Variants in DNM3 observed in about 807,000 individuals in gnomAD.
DNM3 encodes dynamin-3.
A neutral mutation model predicts 101.6 loss-of-function variants in DNM3; 47 were observed. The observed-to-expected ratio is 0.46, with a 90% CI of 0.37 to 0.59. The LOEUF (loss-of-function observed/expected upper bound fraction) is 0.59, where lower values mean the gene tolerates loss of function less well. Among genes scored for constraint, DNM3 ranks in the 20% least tolerant of loss-of-function variants. DNM3 has a pLI of 0.00. For missense variants in DNM3, 849 were observed against 1,085.7 expected, an observed-to-expected ratio of 0.78 and a Z score of 3.06; for synonymous variants, 385 against 387.9, an observed-to-expected ratio of 0.99 and a Z score of 0.09.
intron 14 of DNM3, among the ~76,000 whole-genome samples, chr1:172,176,578 G>A (rs2148369364): frequency 6.6e-6 from 1 of 151,936 alleles, no homozygotes; most frequent in South Asian, 2.1e-4. Flanking sequence ...CCAGTCAGGA[G>A]CTTGACTGCA....
chr1:172,230,775 C>CT (rs1210200882), intron 14 of DNM3, among the ~76,000 whole-genome samples: 1 of 152,124 alleles, frequency 6.6e-6, no homozygotes, highest in Non-Finnish European at 1.5e-5. Flanking sequence ...GGTTACTTTT[C>CT]TAGCCATATC....
chr1:172,407,768 C>A lies in DNM3; in HGVS notation c.2523-4C>A. On this transcript the variant is annotated splice_polypyrimidine_tract_variant and splice_region_variant and intron_variant, in intron 20 of 20. Transcript: ENST00000627582. Reference sequence around the variant, plus strand: ...TCTTTACCTTTCTCTTTTTCTCTTTCTAGCCGGAGACCACCCCCATCACCA... The same window carrying A: ...TCTTTACCTTTCTCTTTTTCTCTTTATAGCCGGAGACCACCCCCATCACCA... The A allele has an allele frequency of 6.2e-7, 1 of 1,612,830 alleles. No individual in the cohort carries two copies. Among genetic ancestry groups the A allele is most frequent in the Non-Finnish European group, 8.5e-7 (1 of 1,179,088 alleles).
At chr1:171,896,566 T>C (rs1370905011) in intron 1 of DNM3, among the ~76,000 whole-genome samples, 1 of 152,216 alleles carries the variant, frequency 6.6e-6, no homozygotes, top group African/African-American at 2.4e-5. Context: ...GATGGGGTTT[T>C]CTAAATATAC....
At chr1:172,343,825 T>C (rs1053079759) in intron 17 of DNM3, among the ~76,000 whole-genome samples, 1 of 152,076 alleles carries the variant, frequency 6.6e-6, no homozygotes, top group African/African-American at 2.4e-5. Context: ...TGCCAAAAGG[T>C]TTATTATGTG....
chr1:172,066,029 GCA>G lies in DNM3; in HGVS notation c.1336-2787_1336-2786del, dbSNP rs570177251. 7.2e-5 allele frequency among the ~76,000 whole-genome samples: 11 copies of G among 152,166 alleles called. No homozygotes were observed. The South Asian group carries it at 2.3e-3, about 31-fold the overall frequency. ...GTTGTGCATGCTATAAAGGTAATGT[GCA>G]CAGTGACCTCAGGTGACCATACAGA... On this transcript the variant is annotated intron_variant, in intron 10 of 20. Coordinates refer to ENST00000627582, the MANE Select transcript of DNM3 (RefSeq NM_015569.5).
In DNM3 at chr1:172,089,288, T is replaced by C. The variant is rs866771601; in HGVS notation, c.1494-3536T>C. 4.6e-5 allele frequency among the ~76,000 whole-genome samples: 7 copies of C among 152,350 alleles called. 1 individual carries two copies. Among genetic ancestry groups the C allele is most frequent in the Middle Eastern group, 6.8e-3 (2 of 294 alleles). On this transcript the variant is annotated intron_variant, in intron 12 of 20. Transcript: ENST00000627582. ...AAGAACTATACCTTATTCATATTTT[T>C]ATATGCTACGGAGTTCGTGCCCTAT... is the stretch of plus-strand genomic sequence containing the variant.
At chr1:171,933,437 A>T (rs1243154880) in intron 2 of DNM3, among the ~76,000 whole-genome samples, 1 of 152,236 alleles carries the variant, frequency 6.6e-6, no homozygotes, top group African/African-American at 2.4e-5. Context: ...TGGGGCTTAC[A>T]TTCTAGGTGG....
At chr1:172,387,530 G>A (rs1332491789) in intron 19 of DNM3, among the ~76,000 whole-genome samples, 171 bp downstream of exon 19, 1 of 151,958 alleles carries the variant, frequency 6.6e-6, no homozygotes, top group African/African-American at 2.4e-5. Context: ...GTGGTGGCGG[G>A]TGCCTGTAGT....
At chr1:172,329,082 G>A (rs115496848) in intron 17 of DNM3, among the ~76,000 whole-genome samples, 1,732 of 151,948 alleles carry the variant, frequency 0.011, 21 homozygotes, top group African/African-American at 0.017. Context: ...TGTTTTTAAT[G>A]TTAATGTGGT....
intron 6 of DNM3, among the ~76,000 whole-genome samples, chr1:172,037,473 T>A (rs1341366149): frequency 6.6e-6 from 1 of 152,236 alleles, no homozygotes. Flanking sequence ...CTAGGAAGTT[T>A]ATATTCTTTT....
At chr1:172,095,288 C>T (rs976534666) in intron 13 of DNM3, among the ~76,000 whole-genome samples, 16 of 152,100 alleles carry the variant, frequency 1.1e-4, no homozygotes, top group African/African-American at 3.9e-4. Context: ...AATAGTTACA[C>T]CAAGTAAACT....
chr1:172,339,105 A>G (rs1374355800), intron 17 of DNM3: 6 of 468,150 alleles, frequency 1.3e-5, no homozygotes, highest in Non-Finnish European at 2.1e-5. Flanking sequence ...TCACTGTGAA[A>G]TATTTGGTCG....
intron 14 of DNM3, among the ~76,000 whole-genome samples, chr1:172,136,333 A>C (rs2057226379): frequency 6.6e-6 from 1 of 152,186 alleles, no homozygotes; most frequent in Admixed American, 6.5e-5. Flanking sequence ...TGAGATCAAG[A>C]AGTTATAGAA....
chr1:172,416,702 C>T (rs190315209), downstream of DNM3, among the ~76,000 whole-genome samples: 4 of 152,216 alleles, frequency 2.6e-5, no homozygotes, highest in East Asian at 7.7e-4. Flanking sequence ...TTCTAAAGCC[C>T]CTTCAGAACT....
At chr1:172,104,973 A>G (rs2054907945) in intron 13 of DNM3, among the ~76,000 whole-genome samples, 1 of 152,194 alleles carries the variant, frequency 6.6e-6, no homozygotes, top group Admixed American at 6.5e-5. Flanking sequence ...TCATTTGCAA[A>G]AGGAGAATGA....
At chr1:172,276,757 C>A (rs6677550) in intron 15 of DNM3, among the ~76,000 whole-genome samples, 142,750 of 152,026 alleles carry the variant, frequency 0.94, 67,096 homozygotes, top group Non-Finnish European at 0.96. Flanking sequence ...CTTCCATATT[C>A]GATAAGCTGA....
chr1:172,138,816 A>G (rs1484050967), intron 14 of DNM3: 4 of 452,720 alleles, frequency 8.8e-6, no homozygotes, highest in Admixed American at 7.6e-5. Context: ...TTGTCATGTG[A>G]CTGCCTGTCT....
chr1:172,087,218 C>T (rs1227760708), intron 12 of DNM3, among the ~76,000 whole-genome samples: 1 of 152,124 alleles, frequency 6.6e-6, no homozygotes, highest in Non-Finnish European at 1.5e-5. Context: ...TCCTGGTTTT[C>T]CTCTTTTCAC....
intron 2 of DNM3, among the ~76,000 whole-genome samples, chr1:171,972,677 C>G (rs1293682921): frequency 6.6e-6 from 1 of 152,148 alleles, no homozygotes; most frequent in African/African-American, 2.4e-5. Context: ...TGGAGAAACC[C>G]TGTCTCTACT....
Sources: allele counts gnomAD v4.1 joint callset (sites outside exome capture counted in the v4.1 genomes callset), GRCh38; gene constraint gnomAD v4.1.1; transcripts MANE v1.5; gene names NCBI Gene and HGNC (gene_info 2026-07-23, HGNC 2026-07-21).